TMEM237: variants seen among roughly 807,000 people sequenced by gnomAD.
TMEM237 encodes transmembrane protein 237, also known as amyotrophic lateral sclerosis 2 (juvenile) chromosome region, candidate 4.
Under a neutral mutation model 59.1 loss-of-function variants are expected in TMEM237, and 51 were observed. The observed-to-expected ratio is 0.86, with a 90% CI of 0.69 to 1.09. TMEM237 has a LOEUF of 1.09. Among genes scored for constraint, TMEM237 ranks in the 50% least tolerant of loss-of-function variants. The probability of loss-of-function intolerance (pLI) is 0.00; values close to 1 mark genes in which losing one functional copy is unlikely to be tolerated. For missense variants in TMEM237, 475 were observed against 478.3 expected (o/e 0.99, Z 0.06); for synonymous variants, 140 against 166.1 (o/e 0.84, Z 1.21).
intron 3 of TMEM237, 82 bp downstream of exon 3, chr2:201,640,179 G>C (rs1042763641): frequency 9.9e-5 from 112 of 1,130,714 alleles, no homozygotes; most frequent in Non-Finnish European, 1.3e-4. Flanking sequence ...ACACCATTCA[G>C]ACTCAGTTTT....
rs2105903480 is a variant in TMEM237, at chr2:201,638,970, A to G, written c.136+19T>C. ...CTGGGAAAACTTGTGATCCCACACA[A>G]CAAAGAATAACGTCTTACCTGGTGT... is the stretch of plus-strand genomic sequence containing the variant. On this transcript the variant is annotated intron_variant, in intron 4 of 12. Coordinates refer to ENST00000409883, the MANE Select transcript of TMEM237 (RefSeq NM_001044385.3). The G allele has an allele frequency of 1.9e-6, 3 of 1,570,390 alleles. No individual in the cohort carries two copies. The highest frequency in any genetic ancestry group is 2.4e-5 in the South Asian group (2 of 85,070).
intron 7 of TMEM237, chr2:201,631,071 C>A (rs890112481): frequency 1.3e-5 from 2 of 152,142 alleles, no homozygotes; most frequent in South Asian, 2.1e-4. Context: ...AGACGGAATG[C>A]GTCCCCCAAA....
chr2:201,620,947 C>T lies in TMEM237; in HGVS notation c.*3308G>A, dbSNP rs2105894590. 1 of 152,288 alleles carries T rather than the reference C, an allele frequency of 6.6e-6. No individual in the cohort carries two copies. The highest frequency in any genetic ancestry group is 6.5e-5 in the Admixed American group (1 of 15,290). 9.4% of individuals were successfully genotyped at this position (152,288 alleles called of 1,614,324 possible). A position where few individuals can be genotyped will look rare whatever the true frequency, so the allele number is the denominator to read the frequency against. ...AGGAACCTGCACCTCACCTTGTGCT[C>T]CTCAGAGTACATGGCCCAATATCCC... is the stretch of plus-strand genomic sequence containing the variant. On this transcript the variant is annotated 3_prime_UTR_variant, in exon 13 of 13. Coordinates refer to ENST00000409883, the MANE Select transcript of TMEM237 (RefSeq NM_001044385.3).
chr2:201,632,766 G>C (rs1208972917), intron 6 of TMEM237, among the ~76,000 whole-genome samples: 1 of 152,154 alleles, frequency 6.6e-6, no homozygotes, highest in Non-Finnish European at 1.5e-5. Context: ...CCAGTCTCGG[G>C]TATGTCTTTA....
intron 4 of TMEM237, among the ~76,000 whole-genome samples, chr2:201,637,264 T>C (rs747805694): frequency 5.3e-5 from 8 of 152,234 alleles, no homozygotes; most frequent in Non-Finnish European, 1.0e-4. Context: ...AGCCTCTATA[T>C]AGTAAAGTCC....
At chr2:201,626,420 T>G in intron 11 of TMEM237, 1 of 249,980 alleles carries the variant, frequency 4.0e-6, no homozygotes, top group Non-Finnish European at 7.7e-6. Context: ...AAGTTTTCCT[T>G]CCAACTACCA....
intron 5 of TMEM237, chr2:201,634,684 G>A (rs371036600): frequency 3.3e-5 from 6 of 182,642 alleles, no homozygotes; most frequent in Non-Finnish European, 7.8e-5. Context: ...AAACTGTAGA[G>A]TAGTTAAAGC....
Position 201,621,255 on chromosome 2 carries a change from C to G in TMEM237, c.*3000G>C, listed in dbSNP as rs1380388301. On this transcript the variant is annotated 3_prime_UTR_variant, in exon 13 of 13. Transcript: ENST00000409883. Reference sequence around the variant, plus strand: ...AATTAAAAAATGTAGGTGAGGCACTCTAAAGCAACTAGCTTGGACTCTTCA... The same window carrying G: ...AATTAAAAAATGTAGGTGAGGCACTGTAAAGCAACTAGCTTGGACTCTTCA... 3 of 152,124 alleles carry G rather than the reference C, an allele frequency of 2.0e-5. No individual in the cohort carries two copies. Among genetic ancestry groups the G allele is most frequent in the Non-Finnish European group, 4.4e-5 (3 of 68,016 alleles). 9.4% of individuals were successfully genotyped at this position (152,124 alleles called of 1,614,324 possible).
At chr2:201,640,222 T>C (rs1471064711) in intron 3 of TMEM237, 39 bp downstream of exon 3, 1 of 1,527,768 alleles carries the variant, frequency 6.5e-7, no homozygotes, top group Non-Finnish European at 8.7e-7. Flanking sequence ...AAACTAATTT[T>C]TGAACACCAA....
chr2:201,633,155 C>T lies in TMEM237; in HGVS notation c.395+156G>A, dbSNP rs564008787. ...GTTTACTCTTCTGAAATTTATCATT[C>T]GATTGGTTTAACTGATTTTTTGTAA... On this transcript the variant is annotated intron_variant, in intron 6 of 12. Coordinates refer to ENST00000409883, the MANE Select transcript of TMEM237 (RefSeq NM_001044385.3). 4.0e-5 allele frequency among the ~76,000 whole-genome samples: 6 copies of T among 151,480 alleles called. No individual in the cohort carries two copies. The South Asian group carries it at 1.3e-3, about 32-fold the overall frequency.
At position 201,643,067 on chromosome 2, in the gene TMEM237, C is replaced by A. The variant is rs1687464035; in HGVS notation, c.42+292G>T. Reference sequence around the variant, plus strand: ...CCTGGCTGGAAGCCCCGGCACCCGCCGGGCCCCGGGCCTCAGATGAGTGAG... The same window carrying A: ...CCTGGCTGGAAGCCCCGGCACCCGCAGGGCCCCGGGCCTCAGATGAGTGAG... On this transcript the variant is annotated intron_variant, in intron 1 of 12. Transcript: ENST00000409883. This position sits in a 1 kb window ranked among gnomAD's most constrained non-coding sequence, Gnocchi z 4.3. 1.8e-6 allele frequency: 2 copies of A among 1,138,252 alleles called. No individual in the cohort carries two copies. Among genetic ancestry groups the A allele is most frequent in the African/African-American group, 1.6e-5 (1 of 60,826 alleles). 70.5% of individuals were successfully genotyped at this position (1,138,252 alleles called of 1,614,324 possible).
At chr2:201,626,367 T>C (rs547396294) in intron 11 of TMEM237, 8 of 363,256 alleles carry the variant, frequency 2.2e-5, no homozygotes, top group Non-Finnish European at 3.4e-5. Flanking sequence ...GCTGTATACA[T>C]TCATATAAAT....
intron 12 of TMEM237, among the ~76,000 whole-genome samples, chr2:201,625,339 G>A (rs1957748935): frequency 6.6e-6 from 1 of 151,666 alleles, no homozygotes; most frequent in African/African-American, 2.4e-5. Context: ...TCTGACCTGG[G>A]CGACACAGCG....
At chr2:201,626,182 C>T in intron 11 of TMEM237, 35 bp from the exon 12 acceptor site, 1 of 1,599,452 alleles carries the variant, frequency 6.3e-7, no homozygotes, top group South Asian at 1.1e-5. Context: ...GAAGTGCCTT[C>T]AGTTTGGTTC....
At chr2:201,627,188 A>G (rs965411107) in intron 11 of TMEM237, 133 bp downstream of exon 11, 14 of 607,370 alleles carry the variant, frequency 2.3e-5, no homozygotes, top group African/African-American at 7.4e-5. Context: ...AACCAAAGGA[A>G]TAAGTATTTT....
intron 11 of TMEM237, among the ~76,000 whole-genome samples, chr2:201,626,534 G>GGA (rs1957760429): frequency 2.1e-5 from 2 of 96,030 alleles, no homozygotes; most frequent in Non-Finnish European, 4.0e-5. Context: ...AGCATTTGGG[G>GGA]AAAAAAAAAA....
rs991355461 is a variant in TMEM237 at position 201,620,598 on chromosome 2, C to T, written c.*3657G>A. 6 of 152,154 alleles carry T rather than the reference C, an allele frequency of 3.9e-5. No homozygotes were observed. Among genetic ancestry groups the T allele is most frequent in the Non-Finnish European group, 8.8e-5 (6 of 68,026 alleles). 9.4% of individuals were successfully genotyped at this position (152,154 alleles called of 1,614,324 possible). ...AAATGATTGTTTTGAGAGAATTATC[C>T]TTGGCTACAAGGATCAATAACAAGG... On this transcript the variant is annotated 3_prime_UTR_variant, in exon 13 of 13. Transcript: ENST00000409883.
intron 7 of TMEM237, 63 bp downstream of exon 7, chr2:201,631,988 T>A: frequency 3.9e-6 from 6 of 1,549,358 alleles, no homozygotes; most frequent in Non-Finnish European, 5.3e-6. Context: ...TTTCCAGAAG[T>A]ATAAAGGATA....
intron 6 of TMEM237, among the ~76,000 whole-genome samples, chr2:201,632,840 C>T (rs773632799): frequency 1.3e-5 from 2 of 152,166 alleles, no homozygotes; most frequent in Non-Finnish European, 2.9e-5. Context: ...TTTTCAAATA[C>T]AAATAATAGT....
Sources: allele counts gnomAD v4.1 joint callset (sites outside exome capture counted in the v4.1 genomes callset), GRCh38; gene constraint gnomAD v4.1.1; non-coding constraint Gnocchi (gnomAD v3.1); transcripts MANE v1.5; gene names NCBI Gene and HGNC (gene_info 2026-07-23, HGNC 2026-07-21).